ZRANB3: variants seen among roughly 807,000 people sequenced by gnomAD.
ZRANB3 encodes the protein DNA annealing helicase and endonuclease ZRANB3.
ZRANB3 carries 125 observed loss-of-function variants against 133.8 expected under a neutral mutation model. The ratio of observed to expected loss-of-function variants is 0.93; its 90% CI spans 0.81 to 1.08. The LOEUF is 1.08. ZRANB3 is among the 50% of genes least tolerant of loss of function. The pLI is 0.00. For missense variants in ZRANB3, 1,229 were observed against 1,275.5 expected (o/e 0.96, Z 0.56); for synonymous variants, 387 against 432.7 (o/e 0.89, Z 1.31).
intron 2 of ZRANB3, among the ~76,000 whole-genome samples, chr2:135,407,797 C>A (rs1688110808): frequency 7.0e-6 from 1 of 143,322 alleles, no homozygotes; most frequent in African/African-American, 2.9e-5. Flanking sequence ...TGGATCCCTT[C>A]CTTACACCTT....
At chr2:135,528,926 A>C (rs1475129771) in intron 1 of ZRANB3, among the ~76,000 whole-genome samples, 2 of 152,242 alleles carry the variant, frequency 1.3e-5, no homozygotes, top group Non-Finnish European at 2.9e-5. Context: ...CCAAAGGTAG[A>C]ATGTAAAGAA....
intron 1 of ZRANB3, among the ~76,000 whole-genome samples, chr2:135,521,119 T>C (rs1005985048): frequency 6.6e-6 from 1 of 152,228 alleles, no homozygotes; most frequent in African/African-American, 2.4e-5. Flanking sequence ...AAATGTTATA[T>C]AACTTACACG....
At chr2:135,265,766 T>A in intron 11 of ZRANB3, 80 bp from the exon 12 acceptor site, 1 of 1,421,444 alleles carries the variant, frequency 7.0e-7, no homozygotes, top group Non-Finnish European at 9.5e-7. Flanking sequence ...ATTTTGCATT[T>A]AAATCATAAG....
rs7608121 is a variant in ZRANB3 at position 135,230,830 on chromosome 2, C to T, written c.1637G>A (p.Arg546Gln). 2.7e-5 allele frequency: 43 copies of T among 1,613,134 alleles called. No homozygotes were observed. In the African/African-American group the frequency reaches 3.3e-4, roughly 12 times the overall value. Residue 546 changes from arginine to glutamine, a missense_variant, in exon 13 of 21, where the codon CGG becomes CAG. Arg to Gln is a conservative substitution (Grantham distance 43). Coordinates refer to ENST00000264159, the MANE Select transcript of ZRANB3 (RefSeq NM_032143.4). ...MTSCDESKRFREENTVVSSDP... is the reference protein window; with the variant it reads ...MTSCDESKRFQEENTVVSSDP... ...TGATGACACTACAGTATTTTCCTCC[C>T]GGAATCTCTTTGATTCGTCACAGGA... is the stretch of plus-strand genomic sequence containing the variant.
chr2:135,236,680 C>T (rs1348283655), intron 12 of ZRANB3, among the ~76,000 whole-genome samples: 3 of 152,100 alleles, frequency 2.0e-5, no homozygotes, highest in African/African-American at 7.2e-5. Context: ...GAAAAACAAG[C>T]AATGGGGAAA....
chr2:135,315,796 A>C (rs907083637), intron 6 of ZRANB3, among the ~76,000 whole-genome samples: 1 of 152,220 alleles, frequency 6.6e-6, no homozygotes, highest in Non-Finnish European at 1.5e-5. Context: ...GATGACTGTG[A>C]ATTGCACTAG....
At chr2:135,490,044 C>T (rs1393901054) in intron 2 of ZRANB3, among the ~76,000 whole-genome samples, 3 of 151,816 alleles carry the variant, frequency 2.0e-5, no homozygotes, top group African/African-American at 7.3e-5. Flanking sequence ...TACTGGACTG[C>T]AAAAAATGGG....
intron 3 of ZRANB3, among the ~76,000 whole-genome samples, chr2:135,382,399 A>C (rs981991332): frequency 6.6e-6 from 1 of 152,210 alleles, no homozygotes; most frequent in Admixed American, 6.5e-5. Flanking sequence ...GGCGAATGGA[A>C]CCAAGTTGGA....
At chr2:135,477,632 A>C (rs1313936585) in intron 2 of ZRANB3, among the ~76,000 whole-genome samples, 2 of 152,150 alleles carry the variant, frequency 1.3e-5, no homozygotes, top group Non-Finnish European at 2.9e-5. Flanking sequence ...TTCCACTAAG[A>C]TCTTTTAAGT....
At chr2:135,273,201 A>G (rs944315287) in intron 9 of ZRANB3, among the ~76,000 whole-genome samples, 1 of 150,340 alleles carries the variant, frequency 6.7e-6, no homozygotes, top group African/African-American at 2.5e-5. Context: ...AAAAAGAAAA[A>G]AAAAAGAAAA....
At chr2:135,240,484 T>C (rs1179779029) in intron 12 of ZRANB3, among the ~76,000 whole-genome samples, 1 of 152,242 alleles carries the variant, frequency 6.6e-6, no homozygotes, top group East Asian at 1.9e-4. Flanking sequence ...ATACTGTTTT[T>C]CTGATAGAGG....
intron 2 of ZRANB3, among the ~76,000 whole-genome samples, chr2:135,427,651 A>G (rs1258651131): frequency 6.6e-6 from 1 of 152,248 alleles, no homozygotes; most frequent in Non-Finnish European, 1.5e-5. Flanking sequence ...ATTCAATACT[A>G]TTCCTATGAA....
At chr2:135,364,340 T>A (rs1645893601) in intron 3 of ZRANB3, among the ~76,000 whole-genome samples, 1 of 152,232 alleles carries the variant, frequency 6.6e-6, no homozygotes, top group Non-Finnish European at 1.5e-5. Flanking sequence ...CTTGAACTTT[T>A]AAATCATTTC....
intron 12 of ZRANB3, among the ~76,000 whole-genome samples, chr2:135,243,902 G>A (rs1288564470): frequency 6.6e-6 from 1 of 151,586 alleles, no homozygotes; most frequent in Non-Finnish European, 1.5e-5. Flanking sequence ...TTAAAAGCAT[G>A]AGCCACCATG....
At chr2:135,516,206 C>T (rs564216276) in intron 1 of ZRANB3, among the ~76,000 whole-genome samples, 5 of 152,124 alleles carry the variant, frequency 3.3e-5, no homozygotes, top group East Asian at 1.9e-4. Flanking sequence ...CTTCTGAACA[C>T]GGCACACTGA....
chr2:135,227,969 C>T lies in ZRANB3; in HGVS notation c.2001G>A (p.Lys667=). Residue 667 remains lysine (K), a synonymous_variant, in exon 14 of 21, where the codon AAG becomes AAA. Coordinates refer to ENST00000264159, the MANE Select transcript of ZRANB3 (RefSeq NM_032143.4). ...TGGAGGTGTCTTTCTGAGAATCATC[C>T]TTCTCGTTTTTATCCTGGATATGGT... The part of the protein sequence containing the change: ...SLNHIQDKNE[K]DDSQKDTSKK... 6.4e-7 allele frequency: 1 copy of T among 1,552,044 alleles called. No individual in the cohort carries two copies. Among genetic ancestry groups the T allele is most frequent in the Non-Finnish European group, 8.7e-7 (1 of 1,147,064 alleles).
chr2:135,202,594 T>C (rs1326531374), intron 20 of ZRANB3: 1 of 361,076 alleles, frequency 2.8e-6, no homozygotes, highest in East Asian at 5.0e-5. Context: ...TTCATTTCTT[T>C]CTTGGTAGTG....
intron 8 of ZRANB3, among the ~76,000 whole-genome samples, chr2:135,287,317 T>C (rs1681426205): frequency 6.6e-6 from 1 of 152,240 alleles, no homozygotes; most frequent in African/African-American, 2.4e-5. Flanking sequence ...TTTTGGTGAC[T>C]ATAACCTTAC....
At chr2:135,400,928 T>C (rs759605447) in intron 2 of ZRANB3, among the ~76,000 whole-genome samples, 1 of 152,206 alleles carries the variant, frequency 6.6e-6, no homozygotes, top group Non-Finnish European at 1.5e-5. Flanking sequence ...CTTTGTTAAC[T>C]GTTAAGTCAT....
Sources: allele counts gnomAD v4.1 joint callset (sites outside exome capture counted in the v4.1 genomes callset), GRCh38; gene constraint gnomAD v4.1.1; transcripts MANE v1.5; gene names NCBI Gene and HGNC (gene_info 2026-07-23, HGNC 2026-07-21).